The following SIM2 variants were observed in gnomAD, a reference collection of about 807,000 sequenced individuals.
SIM2 encodes the protein single-minded homolog 2.
Under a neutral mutation model 64.8 loss-of-function variants are expected in SIM2, and 28 were observed. The ratio of observed to expected loss-of-function variants is 0.43; its 90% CI spans 0.32 to 0.59. The LOEUF (loss-of-function observed/expected upper bound fraction) is 0.59, where lower values mean the gene tolerates loss of function less well. SIM2 is among the 20% of genes least tolerant of loss of function. The pLI is 0.07. For synonymous variants in SIM2, 408 were observed against 391.1 expected (o/e 1.04, Z -0.51); for missense variants, 847 against 871.4 (o/e 0.97, Z 0.35).
In SIM2 at chr21:36,747,905, T is replaced by C; in HGVS notation, c.1817T>C (p.Leu606Pro). Residue 606 changes from leucine (L) to proline (P), a missense_variant, in exon 11 of 11, where the codon CTG becomes CCG. By Grantham distance (98) the Leu-to-Pro change is moderately conservative. Around this residue, in one of 3 missense-constraint regions of SIM2, gnomAD observed 447 missense variants for 414.6 expected, o/e 1.08. Transcript: ENST00000290399. This position sits in a 1 kb window ranked among gnomAD's most constrained non-coding sequence, Gnocchi z 4.5. ...PFVLLNYHRVLARRGPLGGAA... is the reference protein window; with the variant it reads ...PFVLLNYHRVPARRGPLGGAA... ...GTGCTGCTCAACTACCACCGCGTGC[T>C]GGCCCGGCGCGGACCGCTGGGGGGC... The C allele has an allele frequency of 9.4e-7, 1 of 1,065,762 alleles. No homozygotes were observed. Among genetic ancestry groups the C allele is most frequent in the Non-Finnish European group, 1.1e-6 (1 of 874,868 alleles). The allele number at this position is 1,065,762 out of a possible 1,614,324, so 66.0% of individuals were successfully genotyped here.
intron 3 of SIM2, among the ~76,000 whole-genome samples, chr21:36,716,470 C>T (rs1165546124): frequency 6.6e-6 from 1 of 152,138 alleles, no homozygotes; most frequent in Non-Finnish European, 1.5e-5. Flanking sequence ...TTTGGAGGTA[C>T]AAGACCTAAT....
At position 36,744,784 on chromosome 21, in the gene SIM2, A is replaced by G. The variant is rs1437403209; in HGVS notation, c.1224A>G (p.Arg408=). 14 of 1,613,362 alleles carry G rather than the reference A, an allele frequency of 8.7e-6. No homozygotes were observed. Among genetic ancestry groups the G allele is most frequent in the Non-Finnish European group, 1.2e-5 (14 of 1,179,682 alleles). Reference sequence around the variant, plus strand: ...AATGCGGCCAGCTCGGAAACTGGAGAGCCAGTCCCCCTGCAAGCGCTGCTG... The same window carrying G: ...AATGCGGCCAGCTCGGAAACTGGAGGGCCAGTCCCCCTGCAAGCGCTGCTG... ...KLECGQLGNW[R]ASPPASAAAP... Residue 408 remains arginine (R), a synonymous_variant, in exon 10 of 11, where the codon AGA becomes AGG. Transcript: ENST00000290399.
At chr21:36,740,884 A>G (rs1402091477) in intron 7 of SIM2, among the ~76,000 whole-genome samples, 2 of 152,208 alleles carry the variant, frequency 1.3e-5, no homozygotes, top group Non-Finnish European at 2.9e-5. Context: ...GGACCCAGAC[A>G]TCCAAGGGTG....
intron 5 of SIM2, among the ~76,000 whole-genome samples, chr21:36,723,715 G>T (rs2088853594): frequency 6.6e-6 from 1 of 152,238 alleles, no homozygotes; most frequent in South Asian, 2.1e-4. Flanking sequence ...GGGGCTTGGT[G>T]GCGGAGCTGG....
chr21:36,708,152 G>A (rs1414313373), intron 1 of SIM2, among the ~76,000 whole-genome samples: 2 of 152,208 alleles, frequency 1.3e-5, no homozygotes, highest in African/African-American at 2.4e-5. Context: ...CACCAGCCAC[G>A]GCGCTTAGTG....
At chr21:36,706,933 T>C (rs1279018724) in intron 1 of SIM2, among the ~76,000 whole-genome samples, 3 of 152,276 alleles carry the variant, frequency 2.0e-5, no homozygotes, top group Non-Finnish European at 4.4e-5. Context: ...AAAATTGTCC[T>C]GTGTGCCCAA....
intron 7 of SIM2, among the ~76,000 whole-genome samples, chr21:36,739,893 T>C (rs892906632): frequency 1.1e-4 from 10 of 93,064 alleles, no homozygotes; most frequent in Non-Finnish European, 7.3e-5. Context: ...GAGAATTGCT[T>C]GAACCCAGGA....
rs751450235 is a variant in SIM2 at position 36,712,616 on chromosome 21, A to G, written c.342A>G (p.Leu114=). The G allele has an allele frequency of 1.9e-6, 3 of 1,608,942 alleles. No homozygotes were observed. In the East Asian group the frequency reaches 6.7e-5, roughly 36 times the overall value. ...ISETASVHLG[L]SQVELTGNSI... ...AGACCGCTTCTGTCCATTTAGGCTT[A>G]TCCCAGGTGGGTATTGCCTAATTTT... is the stretch of plus-strand genomic sequence containing the variant. Residue 114 remains leucine, a synonymous_variant, in exon 3 of 11, where the codon TTA becomes TTG. Transcript: ENST00000290399.
chr21:36,737,993 A>AG (rs2089097838), intron 7 of SIM2, among the ~76,000 whole-genome samples: 1 of 148,230 alleles, frequency 6.7e-6, no homozygotes, highest in South Asian at 2.2e-4. Context: ...GCAAAAAAAA[A>AG]GCAAAAAGAA....
intron 2 of SIM2, chr21:36,709,610 G>C: frequency 2.5e-6 from 1 of 405,772 alleles, no homozygotes; most frequent in African/African-American, 2.1e-5. Flanking sequence ...GCCAGGGCTG[G>C]AGCAGCAGAA....
In SIM2 at chr21:36,744,311, C is replaced by CAAA. The variant is rs60354140; in HGVS notation, c.1168-402_1168-400dup. Among the ~76,000 whole-genome samples, 250 of 41,696 alleles carry CAAA rather than the reference C, an allele frequency of 6.0e-3. 2 individuals carry two copies. Among genetic ancestry groups the CAAA allele is most frequent in the African/African-American group, 0.015 (239 of 15,796 alleles). 27.4% of individuals were successfully genotyped at this position (41,696 alleles called of 152,430 possible). A position where few individuals can be genotyped will look rare whatever the true frequency, so the allele number is the denominator to read the frequency against. ...GAACGTCACGGCCTCCACATTATGA[C>CAAA]AAAAAAAAAAAAAAAAAGAAAGAAG... is the stretch of plus-strand genomic sequence containing the variant. On this transcript the variant is annotated intron_variant, in intron 9 of 10. Transcript: ENST00000290399.
At chr21:36,722,986 A>G in intron 4 of SIM2, 59 bp from the exon 5 acceptor site, 2 of 1,351,670 alleles carry the variant, frequency 1.5e-6, no homozygotes, top group Non-Finnish European at 2.1e-6. Flanking sequence ...TGCGGTTGGA[A>G]TAAGGATGGG....
At position 36,741,856 on chromosome 21, in the gene SIM2, T is replaced by C; in HGVS notation, c.990T>C (p.Tyr330=). The change falls in exon 8 of 11, where the codon TAT becomes TAC. Residue 330 remains tyrosine (Y), a synonymous_variant. Coordinates refer to ENST00000290399, the MANE Select transcript of SIM2 (RefSeq NM_005069.6). ...SRPHCIVSVN[Y]VLTEIEYKEL... ...CCCACTGCATCGTGAGTGTCAATTA[T>C]GTACTCACGTAAGTCACACGTATTT... 6.3e-7 allele frequency: 1 copy of C among 1,588,298 alleles called. No individual in the cohort carries two copies. Among genetic ancestry groups the C allele is most frequent in the African/African-American group, 1.3e-5 (1 of 74,804 alleles).
At chr21:36,740,342 G>A (rs900206813) in intron 7 of SIM2, among the ~76,000 whole-genome samples, 1 of 152,120 alleles carries the variant, frequency 6.6e-6, no homozygotes, top group Non-Finnish European at 1.5e-5. Flanking sequence ...ATCATACAAT[G>A]TTTGTTTCTA....
rs1221178709 is a variant in SIM2, at chr21:36,747,624, G to A, written c.1577-41G>A. 1.7e-6 allele frequency: 2 copies of A among 1,193,620 alleles called. No homozygotes were observed. Among genetic ancestry groups the A allele is most frequent in the Non-Finnish European group, 2.1e-6 (2 of 961,940 alleles). The allele number at this position is 1,193,620 out of a possible 1,614,324, so 73.9% of individuals were successfully genotyped here. On this transcript the variant is annotated intron_variant, in intron 10 of 10. Coordinates refer to ENST00000290399, the MANE Select transcript of SIM2 (RefSeq NM_005069.6). The surrounding 1 kb of genome is among the most constrained non-coding windows in gnomAD (Gnocchi z 4.5). ...GCTTGGGGGTGGGGTGGCTGCGGCC[G>A]CGCCCCTTGCTGCCCTCTAACGTGT...
Position 36,699,578 on chromosome 21 carries a change from C to A in SIM2, c.-169C>A. 1.7e-6 allele frequency: 1 copy of A among 576,032 alleles called. No homozygotes were observed. Among genetic ancestry groups the A allele is most frequent in the Non-Finnish European group, 2.8e-6 (1 of 356,646 alleles). The allele number at this position is 576,032 out of a possible 1,614,324, so 35.7% of individuals were successfully genotyped here. ...GCTCGGAGCTCAGGCCCGGCGGCTG[C>A]GGGGAGGCGTCTCGGAACCCCGGGA... On this transcript the variant is annotated 5_prime_UTR_variant, in exon 1 of 11. Transcript: ENST00000290399. The surrounding 1 kb of genome is among the most constrained non-coding windows in gnomAD (Gnocchi z 5.6).
intron 1 of SIM2, among the ~76,000 whole-genome samples, chr21:36,705,104 T>A (rs182590099): frequency 6.4e-4 from 98 of 152,266 alleles, no homozygotes; most frequent in African/African-American, 2.1e-3. Flanking sequence ...CGGCGACTGG[T>A]GTTCCCAAGG....
Position 36,744,901 on chromosome 21 carries a change from C to T in SIM2, c.1341C>T (p.Phe447=), listed in dbSNP as rs2089209725. 3 of 1,614,266 alleles carry T rather than the reference C, an allele frequency of 1.9e-6. No individual in the cohort carries two copies. The highest frequency in any genetic ancestry group is 1.7e-6 in the Non-Finnish European group (2 of 1,180,050). ...SLPFSYHYGH[F]PLDSHVFSSK... Reference sequence around the variant, plus strand: ...CCTTCTCCTACCATTACGGACACTTCCCTCTGGACTCTCACGTCTTCAGCA... The same window carrying T: ...CCTTCTCCTACCATTACGGACACTTTCCTCTGGACTCTCACGTCTTCAGCA... The change falls in exon 10 of 11, where the codon TTC becomes TTT. Residue 447 remains phenylalanine, a synonymous_variant. Transcript: ENST00000290399.
Position 36,747,874 on chromosome 21 carries a change from C to T in SIM2, c.1786C>T (p.Pro596Ser). 3 of 1,061,188 alleles carry T rather than the reference C, an allele frequency of 2.8e-6. No homozygotes were observed. Among genetic ancestry groups the T allele is most frequent in the Non-Finnish European group, 2.3e-6 (2 of 873,496 alleles). 65.7% of individuals were successfully genotyped at this position (1,061,188 alleles called of 1,614,324 possible). ...PEAPGAPAQL[P>S]FVLLNYHRVL... ...GGCCCCGGGCGCGCCGGCGCAGCTG[C>T]CCTTCGTGCTGCTCAACTACCACCG... Residue 596 changes from proline (P) to serine (S), a missense_variant, in exon 11 of 11, where the codon CCC becomes TCC. Pro to Ser is a moderately conservative substitution (Grantham distance 74). This residue lies in a region of SIM2 where 447 missense variants were observed against 414.6 expected (regional missense o/e 1.08). Transcript: ENST00000290399. The surrounding 1 kb of genome is among the most constrained non-coding windows in gnomAD (Gnocchi z 4.5).
Sources: gnomAD v4.1 joint callset for allele counts (sites outside exome capture counted in the v4.1 genomes callset) on GRCh38, gnomAD v4.1.1 for gene constraint, gnomAD v4.1.1 regional missense constraint, Gnocchi (gnomAD v3.1) non-coding constraint, MANE v1.5 for transcripts, NCBI Gene and HGNC (gene_info 2026-07-23, HGNC 2026-07-21) for gene names.